Variants in CDH13 observed in about 807,000 individuals in gnomAD.
CDH13 encodes the protein cadherin-13.
Under a neutral mutation model 63.8 loss-of-function variants are expected in CDH13, and 24 were observed. The observed-to-expected ratio is 0.38, with a 90% CI of 0.27 to 0.53. CDH13 has a LOEUF of 0.53. CDH13 is among the 20% of genes least tolerant of loss of function. The pLI, the probability that CDH13 is intolerant of heterozygous loss-of-function variation, is 0.85. For synonymous variants in CDH13, 503 were observed against 355.3 expected, an observed-to-expected ratio of 1.42 and a Z score of -4.67; for missense variants, 1,049 against 903.1, an observed-to-expected ratio of 1.16 and a Z score of -2.07.
intron 3 of CDH13, among the ~76,000 whole-genome samples, chr16:83,080,882 T>G (rs562772387): frequency 2.6e-5 from 3 of 114,900 alleles, no homozygotes; most frequent in African/African-American, 6.8e-5. Context: ...TTTTTTTTTT[T>G]TTTTTTTTTT....
At chr16:83,461,577 G>T (rs2073183468) in intron 6 of CDH13, among the ~76,000 whole-genome samples, 1 of 152,188 alleles carries the variant, frequency 6.6e-6, no homozygotes, top group Non-Finnish European at 1.5e-5. Context: ...TAGTTGACAA[G>T]TTCAAAAGGA....
rs559472261 is a variant in CDH13 at position 83,060,958 on chromosome 16, C to T, written c.366+28740C>T. On this transcript the variant is annotated intron_variant, in intron 3 of 13. Coordinates refer to ENST00000567109, the MANE Select transcript of CDH13 (RefSeq NM_001257.5). ...CCTCTGTCAACCAGGCTCTTCCCCTCAATGGCTAATGACTCTCACTCCTAC... is the reference window on the plus strand; with the variant it reads ...CCTCTGTCAACCAGGCTCTTCCCCTTAATGGCTAATGACTCTCACTCCTAC... Among the ~76,000 whole-genome samples, 5 of 152,302 alleles carry T rather than the reference C, an allele frequency of 3.3e-5. No individual in the cohort carries two copies. In the South Asian group the frequency reaches 8.3e-4, roughly 25 times the overall value.
chr16:83,200,235 C>T (rs559704838), intron 4 of CDH13, among the ~76,000 whole-genome samples: 185 of 152,290 alleles, frequency 1.2e-3, no homozygotes, highest in Middle Eastern at 6.8e-3. Context: ...TGTCCATCAC[C>T]AGATGAGCTT....
chr16:83,619,633 C>T (rs577086133), intron 8 of CDH13, among the ~76,000 whole-genome samples: 15 of 141,540 alleles, frequency 1.1e-4, no homozygotes, highest in African/African-American at 3.4e-4. Flanking sequence ...GCACGAGCAT[C>T]CCCCCAGTTC....
intron 7 of CDH13, among the ~76,000 whole-genome samples, chr16:83,517,020 A>C (rs1004556487): frequency 1.2e-4 from 19 of 152,216 alleles, no homozygotes; most frequent in African/African-American, 4.1e-4. Context: ...AACTGAAAAA[A>C]GTCTGGATAC....
At chr16:82,855,047 C>T (rs1004269881) in intron 1 of CDH13, among the ~76,000 whole-genome samples, 1 of 152,152 alleles carries the variant, frequency 6.6e-6, no homozygotes, top group African/African-American at 2.4e-5. Flanking sequence ...CAGGAGGGTA[C>T]TGTGTACCTT....
At chr16:83,392,434 G>C (rs1308575191) in intron 6 of CDH13, among the ~76,000 whole-genome samples, 1 of 152,202 alleles carries the variant, frequency 6.6e-6, no homozygotes, top group Non-Finnish European at 1.5e-5. Context: ...CTAAGATTCT[G>C]AGTGCTATTT....
chr16:82,867,641 T>A (rs1322130732), intron 2 of CDH13, among the ~76,000 whole-genome samples: 1 of 152,156 alleles, frequency 6.6e-6, no homozygotes, highest in African/African-American at 2.4e-5. Context: ...GAGTCATGGC[T>A]TTTGAGGGTG....
intron 1 of CDH13, among the ~76,000 whole-genome samples, chr16:82,722,562 C>A (rs1490457850): frequency 6.6e-6 from 1 of 152,176 alleles, no homozygotes; most frequent in Non-Finnish European, 1.5e-5. Context: ...AGCTCTGCAG[C>A]TGGGGATGGA....
At chr16:82,687,645 C>T (rs2150970357) in intron 1 of CDH13, among the ~76,000 whole-genome samples, 1 of 152,240 alleles carries the variant, frequency 6.6e-6, no homozygotes, top group African/African-American at 2.4e-5. Context: ...GATTCAGTTA[C>T]CTCCCACCCA....
At chr16:82,905,060 C>T (rs2041596952) in intron 2 of CDH13, among the ~76,000 whole-genome samples, 1 of 152,156 alleles carries the variant, frequency 6.6e-6, no homozygotes, top group Non-Finnish European at 1.5e-5. Flanking sequence ...AAGCATCTCG[C>T]TGAGTCTGAG....
chr16:83,007,781 A>G (rs976259665), intron 2 of CDH13, among the ~76,000 whole-genome samples: 1 of 151,436 alleles, frequency 6.6e-6, no homozygotes, highest in African/African-American at 2.4e-5. Flanking sequence ...CTAAGATCAC[A>G]CCACTGCACT....
At position 83,033,583 on chromosome 16, in the gene CDH13, C is replaced by T. The variant is rs559879497; in HGVS notation, c.366+1365C>T. Among the ~76,000 whole-genome samples the T allele has an allele frequency of 4.3e-4, 66 of 152,254 alleles. No homozygotes were observed. In the South Asian group the frequency reaches 0.01, roughly 23 times the overall value. Reference sequence around the variant, plus strand: ...ATTATATGTGTGTGTAATTGCATATCGTGCTTCTCGTTTGCCAGGCAGCAG... The same window carrying T: ...ATTATATGTGTGTGTAATTGCATATTGTGCTTCTCGTTTGCCAGGCAGCAG... On this transcript the variant is annotated intron_variant, in intron 3 of 13. Coordinates refer to ENST00000567109, the MANE Select transcript of CDH13 (RefSeq NM_001257.5).
chr16:82,688,106 G>A (rs1447402750), intron 1 of CDH13, among the ~76,000 whole-genome samples: 1 of 152,122 alleles, frequency 6.6e-6, no homozygotes, highest in South Asian at 2.1e-4. Context: ...TGGGTTACTG[G>A]GGTTTCTGTC....
At chr16:83,458,330 C>G (rs2073079195) in intron 6 of CDH13, among the ~76,000 whole-genome samples, 1 of 152,220 alleles carries the variant, frequency 6.6e-6, no homozygotes, top group African/African-American at 2.4e-5. Context: ...AGCAAAATCT[C>G]AAGCACAGAA....
intron 6 of CDH13, among the ~76,000 whole-genome samples, chr16:83,355,558 T>A (rs1261327110): frequency 6.6e-6 from 1 of 152,216 alleles, no homozygotes; most frequent in Non-Finnish European, 1.5e-5. Context: ...CCCGATAAAC[T>A]GTTTTTTAAT....
At chr16:82,769,938 C>T (rs999088443) in intron 1 of CDH13, among the ~76,000 whole-genome samples, 7 of 152,320 alleles carry the variant, frequency 4.6e-5, no homozygotes, top group East Asian at 1.9e-4. Context: ...ATGGTGCATA[C>T]GGCACAGACA....
intron 5 of CDH13, among the ~76,000 whole-genome samples, chr16:83,289,688 A>G (rs2089418581): frequency 6.6e-6 from 1 of 152,188 alleles, no homozygotes; most frequent in South Asian, 2.1e-4. Context: ...TGGACCATTT[A>G]TCAGCTGCTT....
intron 7 of CDH13, among the ~76,000 whole-genome samples, chr16:83,549,286 T>G (rs1021024279): frequency 1.3e-5 from 2 of 152,226 alleles, no homozygotes; most frequent in African/African-American, 4.8e-5. Flanking sequence ...CACCTCTCTG[T>G]GCTTCACCCC....
Sources: allele counts gnomAD v4.1 joint callset (sites outside exome capture counted in the v4.1 genomes callset), GRCh38; gene constraint gnomAD v4.1.1; transcripts MANE v1.5; gene names NCBI Gene and HGNC (gene_info 2026-07-23, HGNC 2026-07-21).